Variants in RBM33 observed in about 807,000 individuals in gnomAD.
RBM33 encodes RNA-binding protein 33.
In RBM33, 28 loss-of-function variants were observed where a neutral mutation model predicts 132.6. That is an observed-to-expected ratio of 0.21 (90% CI 0.16 to 0.29). The LOEUF (loss-of-function observed/expected upper bound fraction) is 0.29. RBM33 is among the 10% of genes least tolerant of loss of function. The probability of loss-of-function intolerance (pLI) is 1.00; values close to 1 mark genes in which losing one functional copy is unlikely to be tolerated. For synonymous variants in RBM33, 634 were observed against 593.0 expected (o/e 1.07, Z -1.01); for missense variants, 1,291 against 1,518.5 (o/e 0.85, Z 2.49).
Position 155,774,491 on chromosome 7 carries a change from A to T in RBM33, c.3376-68A>T. 1 of 1,146,538 alleles carries T rather than the reference A, an allele frequency of 8.7e-7. No individual in the cohort carries two copies. The highest frequency in any genetic ancestry group is 1.3e-5 in the South Asian group (1 of 77,728). The allele number at this position is 1,146,538 out of a possible 1,614,324, so 71.0% of individuals were successfully genotyped here. On this transcript the variant is annotated intron_variant, in intron 16 of 17. Transcript: ENST00000401878. This position sits in a 1 kb window ranked among gnomAD's most constrained non-coding sequence, Gnocchi z 4.2. ...TTTGTGTTAAAACTAATAATGCTTAAATATATATATTCATATTTTTTATTG... is the reference window on the plus strand; with the variant it reads ...TTTGTGTTAAAACTAATAATGCTTATATATATATATTCATATTTTTTATTG...
At chr7:155,755,766 A>G (rs953070023) in intron 14 of RBM33, among the ~76,000 whole-genome samples, 6 of 152,334 alleles carry the variant, frequency 3.9e-5, no homozygotes, top group Admixed American at 6.5e-5. Context: ...TTATCTATGC[A>G]TTTAAACGAT....
At chr7:155,771,111 G>A (rs958734788) in intron 16 of RBM33, among the ~76,000 whole-genome samples, 1 of 152,172 alleles carries the variant, frequency 6.6e-6, no homozygotes, top group African/African-American at 2.4e-5. Context: ...GAAGAAGGAG[G>A]TCCTTACATA....
intron 1 of RBM33, among the ~76,000 whole-genome samples, chr7:155,654,863 T>G (rs956177030): frequency 6.6e-6 from 1 of 152,250 alleles, no homozygotes; most frequent in Admixed American, 6.5e-5. Flanking sequence ...TGTCCTCACA[T>G]TATATGTTCA....
chr7:155,739,473 C>A, intron 11 of RBM33: 1 of 523,910 alleles, frequency 1.9e-6, no homozygotes, highest in Non-Finnish European at 3.4e-6. Context: ...GTCTGCATAC[C>A]TAGTTTTCCT....
intron 3 of RBM33, among the ~76,000 whole-genome samples, chr7:155,674,150 G>A (rs150757912): frequency 2.0e-5 from 3 of 151,770 alleles, no homozygotes; most frequent in African/African-American, 4.8e-5. Flanking sequence ...AGTTAGTGTG[G>A]TTAGTTAGTT....
At chr7:155,701,183 A>T (rs1003651843) in intron 6 of RBM33, 42 of 541,006 alleles carry the variant, frequency 7.8e-5, no homozygotes, top group South Asian at 2.7e-4. Flanking sequence ...ATTAAAAAAA[A>T]TTTTTTTTTG....
chr7:155,648,081 T>C (rs1798251638), intron 1 of RBM33, among the ~76,000 whole-genome samples: 1 of 152,216 alleles, frequency 6.6e-6, no homozygotes, highest in East Asian at 1.9e-4. Flanking sequence ...GTAAATTTTT[T>C]GTTTTCTAGT....
intron 9 of RBM33, among the ~76,000 whole-genome samples, chr7:155,720,218 T>TAAG (rs1217306157): frequency 6.6e-6 from 1 of 152,220 alleles, no homozygotes; most frequent in East Asian, 1.9e-4. Flanking sequence ...GCATATAGCT[T>TAAG]AAGAAGTGTT....
intron 1 of RBM33, among the ~76,000 whole-genome samples, chr7:155,650,178 G>A (rs1366396395): frequency 2.0e-5 from 3 of 152,164 alleles, no homozygotes; most frequent in South Asian, 2.1e-4. Flanking sequence ...CTGGGATGCC[G>A]CTCTAGCTCT....
chr7:155,690,724 T>G (rs1257981403), intron 5 of RBM33, among the ~76,000 whole-genome samples: 2 of 152,238 alleles, frequency 1.3e-5, no homozygotes. Context: ...CCTTCACTTA[T>G]GAAGCTTAGT....
chr7:155,755,551 A>G (rs1801821707), intron 14 of RBM33, among the ~76,000 whole-genome samples: 1 of 152,210 alleles, frequency 6.6e-6, no homozygotes, highest in African/African-American at 2.4e-5. Context: ...TGGTTGGGGA[A>G]TTTGTCAAGT....
At chr7:155,648,248 G>A (rs1256027467) in intron 1 of RBM33, among the ~76,000 whole-genome samples, 1 of 152,136 alleles carries the variant, frequency 6.6e-6, no homozygotes, top group African/African-American at 2.4e-5. Context: ...TCCTAGGCTG[G>A]TAAAATTTTA....
intron 5 of RBM33, among the ~76,000 whole-genome samples, chr7:155,687,818 C>T (rs1165081474): frequency 6.6e-6 from 1 of 152,134 alleles, no homozygotes; most frequent in African/African-American, 2.4e-5. Context: ...GGGCTCTGTT[C>T]TGTTCCATTT....
At chr7:155,699,148 T>C (rs1419322351) in intron 5 of RBM33, among the ~76,000 whole-genome samples, 1 of 152,222 alleles carries the variant, frequency 6.6e-6, no homozygotes, top group East Asian at 1.9e-4. Flanking sequence ...TGAACTGTGC[T>C]TACAGTTGTT....
At chr7:155,673,768 G>GCCCACACACACA (rs1554469952) in intron 3 of RBM33, among the ~76,000 whole-genome samples, 1 of 132,962 alleles carries the variant, frequency 7.5e-6, no homozygotes, top group Non-Finnish European at 1.5e-5. Flanking sequence ...GCGCATGCGC[G>GCCCACACACACA]CACACACACA....
intron 9 of RBM33, among the ~76,000 whole-genome samples, chr7:155,721,140 TA>T (rs1800612856): frequency 2.5e-5 from 2 of 81,430 alleles, no homozygotes; most frequent in East Asian, 4.0e-4. Flanking sequence ...GCTGTGCTCG[TA>T]GTAGTGCATA....
intron 1 of RBM33, among the ~76,000 whole-genome samples, chr7:155,647,500 G>T (rs1563125413): frequency 2.0e-5 from 3 of 152,002 alleles, no homozygotes; most frequent in Non-Finnish European, 4.4e-5. Context: ...GTATAATCAT[G>T]GCTAATTGCA....
intron 5 of RBM33, among the ~76,000 whole-genome samples, chr7:155,691,943 C>T (rs1282721492): frequency 1.3e-5 from 2 of 151,538 alleles, no homozygotes; most frequent in African/African-American, 4.9e-5. Flanking sequence ...CCCAGCTACT[C>T]AGGAGGCTGA....
At chr7:155,658,928 A>G (rs2116879923) in intron 1 of RBM33, among the ~76,000 whole-genome samples, 1 of 152,234 alleles carries the variant, frequency 6.6e-6, no homozygotes, top group South Asian at 2.1e-4. Flanking sequence ...GTTTCTCCTC[A>G]GCTTTGTTCA....
Sources: allele counts gnomAD v4.1 joint callset (sites outside exome capture counted in the v4.1 genomes callset), GRCh38; gene constraint gnomAD v4.1.1; non-coding constraint Gnocchi (gnomAD v3.1); transcripts MANE v1.5; gene names NCBI Gene and HGNC (gene_info 2026-07-23, HGNC 2026-07-21).